The following ADAM12 variants were observed in gnomAD, a reference collection of about 807,000 sequenced individuals.
The protein encoded by ADAM12 is ADAM metallopeptidase domain 12, also known as disintegrin and metalloproteinase domain-containing protein 12.
In ADAM12, 70 loss-of-function variants were observed where a neutral mutation model predicts 106.4. The ratio of observed to expected loss-of-function variants is 0.66; its 90% CI spans 0.54 to 0.80. ADAM12 has a LOEUF of 0.80. Ranked by LOEUF, ADAM12 falls within the 30% of genes least tolerant of loss-of-function variation. ADAM12 has a pLI of 0.00. For synonymous variants in ADAM12, 420 were observed against 433.5 expected, an observed-to-expected ratio of 0.97 and a Z score of 0.39; for missense variants, 1,010 against 1,171.9, an observed-to-expected ratio of 0.86 and a Z score of 2.02.
At position 126,101,052 on chromosome 10, in the gene ADAM12, G is replaced by A. The variant is rs780383073; in HGVS notation, c.911+20C>T. 9.9e-6 allele frequency: 16 copies of A among 1,608,132 alleles called. No homozygotes were observed. The highest frequency in any genetic ancestry group is 9.4e-5 in the African/African-American group (7 of 74,428). The stretch of plus-strand genomic sequence containing the variant: ...AGAGCACTCCTTTTTTTTTTAAGCA[G>A]ACAAGACGTAACTCCCTACCTGACA... On this transcript the variant is annotated intron_variant, in intron 9 of 22. Transcript: ENST00000448723.
intron 1 of ADAM12, among the ~76,000 whole-genome samples, chr10:126,341,093 C>G (rs1854912814): frequency 6.6e-6 from 1 of 152,106 alleles, no homozygotes; most frequent in Admixed American, 6.6e-5. Context: ...CCTTGTTATT[C>G]AAGTCTCTGC....
In ADAM12 at chr10:126,038,122, T is replaced by G. The variant is rs550944555; in HGVS notation, c.2349+119A>C. 53 of 969,780 alleles carry G rather than the reference T, an allele frequency of 5.5e-5. No homozygotes were observed. In the Admixed American group the frequency reaches 6.6e-4, roughly 12 times the overall value. 60.1% of individuals were successfully genotyped at this position (969,780 alleles called of 1,614,324 possible). A position where few individuals can be genotyped will look rare whatever the true frequency, so the allele number is the denominator to read the frequency against. On this transcript the variant is annotated intron_variant, in intron 20 of 22. Transcript: ENST00000448723. ...CCTCCCTCAGAGCCTGCTGACCTAGTGAGGCTGACTCAGCATTTCACAGGC... is the reference window on the plus strand; with the variant it reads ...CCTCCCTCAGAGCCTGCTGACCTAGGGAGGCTGACTCAGCATTTCACAGGC...
At chr10:126,205,029 A>T (rs1017799535) in intron 3 of ADAM12, among the ~76,000 whole-genome samples, 2 of 152,144 alleles carry the variant, frequency 1.3e-5, no homozygotes, top group African/African-American at 4.8e-5. Context: ...TTTGGACACC[A>T]CCAAGTCTTT....
At chr10:126,325,677 C>T (rs1237574836) in intron 2 of ADAM12, among the ~76,000 whole-genome samples, 1 of 152,202 alleles carries the variant, frequency 6.6e-6, no homozygotes, top group East Asian at 1.9e-4. Context: ...AAAGGCCGAG[C>T]TCAAGTGAGG....
At chr10:126,195,493 T>C (rs539342979) in intron 3 of ADAM12, among the ~76,000 whole-genome samples, 2 of 152,232 alleles carry the variant, frequency 1.3e-5, no homozygotes, top group Admixed American at 1.3e-4. Context: ...GAGAATCGCT[T>C]GAACCCGGGA....
intron 2 of ADAM12, among the ~76,000 whole-genome samples, chr10:126,307,827 A>G (rs1224792999): frequency 1.3e-5 from 2 of 152,202 alleles, no homozygotes; most frequent in African/African-American, 2.4e-5. Flanking sequence ...TTCTGACCTT[A>G]AATGATCTGC....
At position 126,158,461 on chromosome 10, in the gene ADAM12, A is replaced by G. The variant is rs1199632651; in HGVS notation, c.261-3156T>C. Among the ~76,000 whole-genome samples, 24 of 58,080 alleles carry G rather than the reference A, an allele frequency of 4.1e-4. 1 individual carries two copies. Among genetic ancestry groups the G allele is most frequent in the East Asian group, 7.4e-4 (1 of 1,354 alleles). 38.1% of individuals were successfully genotyped at this position (58,080 alleles called of 152,430 possible). A position where few individuals can be genotyped will look rare whatever the true frequency, so the allele number is the denominator to read the frequency against. ...GAGGATGCACAGAGCACGGGGAGAG[A>G]ATGCACAGAGCATGGGGAGAGGATG... On this transcript the variant is annotated intron_variant, in intron 3 of 22. Coordinates refer to ENST00000448723, the MANE Select transcript of ADAM12 (RefSeq NM_001288973.2).
chr10:126,192,357 C>A (rs1283938225), intron 3 of ADAM12, among the ~76,000 whole-genome samples: 1 of 152,220 alleles, frequency 6.6e-6, no homozygotes, highest in Non-Finnish European at 1.5e-5. Flanking sequence ...TAACAACAAA[C>A]ATACATTGAG....
intron 3 of ADAM12, among the ~76,000 whole-genome samples, chr10:126,170,674 A>C (rs76571567): frequency 0.013 from 1,993 of 152,288 alleles, 21 homozygotes; most frequent in Middle Eastern, 0.044. Flanking sequence ...GTAAAATATA[A>C]AATTGTAAAA....
At chr10:126,164,843 C>G (rs1956996764) in intron 3 of ADAM12, among the ~76,000 whole-genome samples, 1 of 152,118 alleles carries the variant, frequency 6.6e-6, no homozygotes, top group African/African-American at 2.4e-5. Context: ...AAAGATCAGA[C>G]AGTTGAAAGA....
chr10:126,345,308 T>G (rs1336798253), intron 1 of ADAM12, among the ~76,000 whole-genome samples: 4 of 152,254 alleles, frequency 2.6e-5, no homozygotes, highest in Non-Finnish European at 4.4e-5. Context: ...TTGGTTCTGT[T>G]TATATGCTGG....
At chr10:126,065,688 G>A (rs557064561) in intron 13 of ADAM12, among the ~76,000 whole-genome samples, 21 of 152,246 alleles carry the variant, frequency 1.4e-4, no homozygotes, top group East Asian at 3.9e-4. Context: ...CTCCTCAAAC[G>A]CAAAGAGATA....
intron 17 of ADAM12, among the ~76,000 whole-genome samples, chr10:126,045,242 C>T (rs1954284313): frequency 6.6e-6 from 1 of 152,144 alleles, no homozygotes; most frequent in South Asian, 2.1e-4. Context: ...ATCTATGATC[C>T]AATGAAGACA....
intron 3 of ADAM12, among the ~76,000 whole-genome samples, chr10:126,266,471 A>G (rs929041194): frequency 6.6e-6 from 1 of 152,224 alleles, no homozygotes; most frequent in Non-Finnish European, 1.5e-5. Flanking sequence ...CTTTTCCTGC[A>G]GACAGAAGCG....
intron 1 of ADAM12, among the ~76,000 whole-genome samples, chr10:126,338,581 GT>G (rs1854803003): frequency 6.6e-6 from 1 of 152,166 alleles, no homozygotes; most frequent in Non-Finnish European, 1.5e-5. Flanking sequence ...ACCGTTACTG[GT>G]GAGTGAGATA....
At chr10:126,291,196 G>C (rs543775463) in intron 2 of ADAM12, among the ~76,000 whole-genome samples, 2 of 152,248 alleles carry the variant, frequency 1.3e-5, no homozygotes, top group African/African-American at 4.8e-5. Context: ...CTGTCAGTCA[G>C]GGGAAGTTAG....
At chr10:126,285,275 G>T (rs781440363) in intron 2 of ADAM12, among the ~76,000 whole-genome samples, 36 of 152,224 alleles carry the variant, frequency 2.4e-4, no homozygotes, top group Non-Finnish European at 5.0e-4. Flanking sequence ...AAAAGTCATG[G>T]CAAAGTTCAA....
intron 2 of ADAM12, among the ~76,000 whole-genome samples, chr10:126,319,570 A>G (rs1479370039): frequency 6.6e-6 from 1 of 152,200 alleles, no homozygotes; most frequent in Non-Finnish European, 1.5e-5. Context: ...AGGAAGGCCC[A>G]ATAAACCGCC....
Position 126,038,268 on chromosome 10 carries a change from C to T in ADAM12, c.2322G>A (p.Arg774=), listed in dbSNP as rs115313883. The T allele has an allele frequency of 6.2e-7, 1 of 1,611,788 alleles. No individual in the cohort carries two copies. The highest frequency in any genetic ancestry group is 1.3e-5 in the African/African-American group (1 of 75,036). ...TCGGTGGGTAGGAATCTGGCGGCTT[C>T]CTCATCAGGCCTTTTCCAAGGTGGC... ...HLGHLGKGLM[R]KPPDSYPPKD... The change falls in exon 20 of 23, where the codon AGG becomes AGA. Residue 774 remains arginine (R), a synonymous_variant. Transcript: ENST00000448723.
Sources: allele counts gnomAD v4.1 joint callset (sites outside exome capture counted in the v4.1 genomes callset), GRCh38; gene constraint gnomAD v4.1.1; transcripts MANE v1.5; gene names NCBI Gene and HGNC (gene_info 2026-07-23, HGNC 2026-07-21).